GPI: variants seen among roughly 807,000 people sequenced by gnomAD.
GPI encodes the protein glucose-6-phosphate isomerase.
A neutral mutation model predicts 75.8 loss-of-function variants in GPI; 56 were observed. The ratio of observed to expected loss-of-function variants is 0.74; its 90% CI spans 0.60 to 0.92. The LOEUF is 0.92. Among genes scored for constraint, GPI ranks in the 40% least tolerant of loss-of-function variants. The probability of loss-of-function intolerance (pLI) is 0.00; values close to 1 mark genes in which losing one functional copy is unlikely to be tolerated. For missense variants in GPI, 638 were observed against 741.0 expected (o/e 0.86, Z 1.61); for synonymous variants, 288 against 285.4 (o/e 1.01, Z -0.09).
upstream of GPI, chr19:34,363,350 A>G (rs1483579035): frequency 6.6e-6 from 1 of 152,184 alleles, no homozygotes; most frequent in Non-Finnish European, 1.5e-5. Context: ...GTCAGTGGTT[A>G]CTATTGGGCT....
intron 9 of GPI, among the ~76,000 whole-genome samples, chr19:34,383,999 G>A (rs2074694971): frequency 6.6e-6 from 1 of 152,184 alleles, no homozygotes; most frequent in Non-Finnish European, 1.5e-5. Flanking sequence ...AGACAGGTTT[G>A]TATGGCTGGG....
At chr19:34,375,679 G>T (rs1205507817) in intron 4 of GPI, among the ~76,000 whole-genome samples, 1 of 152,194 alleles carries the variant, frequency 6.6e-6, no homozygotes, top group East Asian at 1.9e-4. Flanking sequence ...TCGCTGCCGC[G>T]TGGGCTTCTT....
chr19:34,374,279 G>A lies in GPI; in HGVS notation c.403-3224G>A, dbSNP rs893178328. On this transcript the variant is annotated intron_variant, in intron 4 of 17. Coordinates refer to ENST00000356487, the MANE Select transcript of GPI (RefSeq NM_000175.5). ...GATTACAGGGTGAACCACCACGCCC[G>A]GCTACACTCTTTGATTTCTATAATA... is the stretch of plus-strand genomic sequence containing the variant. Among the ~76,000 whole-genome samples the A allele has an allele frequency of 4.6e-5, 7 of 151,736 alleles. No individual in the cohort carries two copies. In the East Asian group the frequency reaches 1.2e-3, roughly 25 times the overall value.
At chr19:34,396,452 A>C (rs1568349402) in intron 13 of GPI, 22 bp downstream of exon 13, 1 of 1,613,902 alleles carries the variant, frequency 6.2e-7, no homozygotes. Flanking sequence ...TGGCCTGGGA[A>C]GGGTGATGTT....
At chr19:34,379,312 G>A (rs754808091) in intron 7 of GPI, among the ~76,000 whole-genome samples, 11 of 152,192 alleles carry the variant, frequency 7.2e-5, no homozygotes, top group South Asian at 2.1e-4. Flanking sequence ...CCTGAGCCCC[G>A]TATGCTTGTA....
chr19:34,385,360 CAAAAAAAAA>C (rs58133757), intron 9 of GPI, among the ~76,000 whole-genome samples: 5 of 95,118 alleles, frequency 5.3e-5, no homozygotes, highest in African/African-American at 1.4e-4. Context: ...AAACAAAAAA[CAAAAAAAAA>C]AAAAAAAGAA....
In GPI at chr19:34,389,618, A is replaced by G. The variant is rs2074792247; in HGVS notation, c.805-3630A>G. Reference sequence around the variant, plus strand: ...CTCAGATCATTTTCTGTGGGCCTTAATTCTGTCACGCTTGAGAAAGACTGC... The same window carrying G: ...CTCAGATCATTTTCTGTGGGCCTTAGTTCTGTCACGCTTGAGAAAGACTGC... On this transcript the variant is annotated intron_variant, in intron 9 of 17. Transcript: ENST00000356487. Among the ~76,000 whole-genome samples the G allele has an allele frequency of 1.3e-5, 2 of 152,098 alleles. 1 individual carries two copies. The highest frequency in any genetic ancestry group is 4.2e-4 in the South Asian group (2 of 4,818).
intron 3 of GPI, among the ~76,000 whole-genome samples, chr19:34,368,338 C>A (rs897523581): frequency 4.6e-5 from 7 of 152,238 alleles, no homozygotes; most frequent in Non-Finnish European, 1.0e-4. Context: ...GCCTTCGGGG[C>A]CTGTCCTAGG....
rs1222273990 is a variant in GPI at position 34,400,617 on chromosome 19, T to G, written c.*581T>G. 3 of 410,236 alleles carry G rather than the reference T, an allele frequency of 7.3e-6. No individual in the cohort carries two copies. Among genetic ancestry groups the G allele is most frequent in the East Asian group, 7.0e-5 (2 of 28,742 alleles). The allele number at this position is 410,236 out of a possible 1,614,324, so 25.4% of individuals were successfully genotyped here. On this transcript the variant is annotated 3_prime_UTR_variant, in exon 18 of 18. Coordinates refer to ENST00000356487, the MANE Select transcript of GPI (RefSeq NM_000175.5). ...CTGTTCACTCGATGGTTCTAAAAAC[T>G]GCATTGAGATTATGTTTGTTTCGGG...
chr19:34,369,129 A>G (rs1342243295), intron 4 of GPI, among the ~76,000 whole-genome samples: 1 of 151,664 alleles, frequency 6.6e-6, no homozygotes, highest in East Asian at 1.9e-4. Flanking sequence ...GCTCACTGCA[A>G]CTTCCGCCTC....
chr19:34,380,774 C>G (rs904070377), intron 8 of GPI: 1 of 173,542 alleles, frequency 5.8e-6, no homozygotes, highest in Admixed American at 5.4e-5. Context: ...ACTACACCCA[C>G]ATCTCCCTCC....
chr19:34,365,510 G>C, intron 1 of GPI, 122 bp downstream of exon 1: 1 of 1,437,818 alleles, frequency 7.0e-7, no homozygotes. Flanking sequence ...TCCAGGCCAC[G>C]GACTGGGGCC....
At chr19:34,370,952 G>A (rs1225396980) in intron 4 of GPI, among the ~76,000 whole-genome samples, 2 of 152,228 alleles carry the variant, frequency 1.3e-5, no homozygotes, top group Non-Finnish European at 2.9e-5. Context: ...TGGGAATCTG[G>A]ATTTCCTGAA....
In GPI at chr19:34,366,764, C is replaced by T; in HGVS notation, c.214-19C>T. The T allele has an allele frequency of 6.3e-7, 1 of 1,598,222 alleles. No homozygotes were observed. The highest frequency in any genetic ancestry group is 8.6e-7 in the Non-Finnish European group (1 of 1,166,902). On this transcript the variant is annotated intron_variant, in intron 2 of 17. Coordinates refer to ENST00000356487, the MANE Select transcript of GPI (RefSeq NM_000175.5). Reference sequence around the variant, plus strand: ...GGCCAGTGTGGGTGGGACCAGGCCTCAGTATCGTCTCTTCCTAGGCCAAGT... The same window carrying T: ...GGCCAGTGTGGGTGGGACCAGGCCTTAGTATCGTCTCTTCCTAGGCCAAGT...
Position 34,399,343 on chromosome 19 carries a change from C to G in GPI, c.1398+8C>G. 6.2e-7 allele frequency: 1 copy of G among 1,614,080 alleles called. No homozygotes were observed. The highest frequency in any genetic ancestry group is 8.5e-7 in the Non-Finnish European group (1 of 1,180,020). On this transcript the variant is annotated splice_region_variant and intron_variant, in intron 15 of 17. Coordinates refer to ENST00000356487, the MANE Select transcript of GPI (RefSeq NM_000175.5). ...AGGCTGCTGCCACATAAGGTCAGCA[C>G]TTCTGCATTTGGCTTTGGGGTGCAT... is the stretch of plus-strand genomic sequence containing the variant.
intron 3 of GPI, 110 bp from the exon 4 acceptor site, chr19:34,368,473 G>A (rs752398452): frequency 1.9e-5 from 23 of 1,186,348 alleles, no homozygotes; most frequent in Non-Finnish European, 2.9e-5. Context: ...AGACCTCAGG[G>A]CCTGCCTGTC....
intron 12 of GPI, among the ~76,000 whole-genome samples, chr19:34,395,913 T>C (rs533447176): frequency 6.6e-6 from 1 of 150,856 alleles, no homozygotes; most frequent in East Asian, 1.9e-4. Flanking sequence ...TTTTTTTCTT[T>C]CTTTTCCTTT....
chr19:34,393,464 G>A lies in GPI; in HGVS notation c.865+156G>A. 2 of 784,780 alleles carry A rather than the reference G, an allele frequency of 2.5e-6. No individual in the cohort carries two copies. The highest frequency in any genetic ancestry group is 4.4e-6 in the Non-Finnish European group (2 of 449,564). 48.6% of individuals were successfully genotyped at this position (784,780 alleles called of 1,614,324 possible). A position where few individuals can be genotyped will look rare whatever the true frequency, so the allele number is the denominator to read the frequency against. ...ATATTTATTTCATGTCCAGAAGGAA[G>A]GTCTGGGTTTTTTTGCGTGTGCAAG... On this transcript the variant is annotated intron_variant, in intron 10 of 17. Transcript: ENST00000356487. This position sits in a 1 kb window ranked among gnomAD's most constrained non-coding sequence, Gnocchi z 4.4.
intron 14 of GPI, chr19:34,398,344 A>G (rs2074973554): frequency 6.6e-6 from 1 of 152,218 alleles, no homozygotes; most frequent in Non-Finnish European, 1.5e-5. Flanking sequence ...CGGTAGCACA[A>G]TCTTGGGAGT....
Sources: gnomAD v4.1 joint callset for allele counts (sites outside exome capture counted in the v4.1 genomes callset) on GRCh38, gnomAD v4.1.1 for gene constraint, Gnocchi (gnomAD v3.1) non-coding constraint, MANE v1.5 for transcripts, NCBI Gene and HGNC (gene_info 2026-07-23, HGNC 2026-07-21) for gene names.